KNL1: variants seen among roughly 807,000 people sequenced by gnomAD.
KNL1 encodes the protein outer kinetochore KNL1 complex subunit KNL1.
A neutral mutation model predicts 201.3 loss-of-function variants in KNL1; 66 were observed. The ratio of observed to expected loss-of-function variants is 0.33; its 90% confidence interval spans 0.27 to 0.40. KNL1 has a LOEUF of 0.40. Among genes scored for constraint, KNL1 ranks in the 10% least tolerant of loss-of-function variants. The pLI, the probability that KNL1 is intolerant of heterozygous loss-of-function variation, is 1.00. For synonymous variants in KNL1, 895 were observed against 899.2 expected, an observed-to-expected ratio of 1.00 and a Z score of 0.08; for missense variants, 2,815 against 2,690.5, an observed-to-expected ratio of 1.05 and a Z score of -1.02.
rs1893965693 is a variant in KNL1 at position 40,663,323 on chromosome 15, C to T, written c.*1135C>T. The stretch of plus-strand genomic sequence containing the variant: ...ATCCGCCTGCCTCGGCTTCAAAGTG[C>T]TGGGATTACAGGTGTGAGCCACCAC... On this transcript the variant is annotated 3_prime_UTR_variant, in exon 26 of 26. Transcript: ENST00000399668. 1 of 175,120 alleles carries T rather than the reference C, an allele frequency of 5.7e-6. No homozygotes were observed. Among genetic ancestry groups the T allele is most frequent in the African/African-American group, 2.4e-5 (1 of 42,264 alleles). The allele number at this position is 175,120 out of a possible 1,614,324, so 10.8% of individuals were successfully genotyped here.
In KNL1 at chr15:40,616,601, C is replaced by T. The variant is rs186001285; in HGVS notation, c.322+1223C>T. On this transcript the variant is annotated intron_variant, in intron 8 of 25. Coordinates refer to ENST00000399668, the MANE Select transcript of KNL1 (RefSeq NM_144508.5). ...TTTGTCTCCTAAATGTCTTGAAAAT[C>T]GTTACCTATTCTGTATTCCTTCTGT... Among the ~76,000 whole-genome samples, 12 of 152,272 alleles carry T rather than the reference C, an allele frequency of 7.9e-5. No homozygotes were observed. The East Asian group carries it at 1.7e-3, about 22-fold the overall frequency.
intron 8 of KNL1, among the ~76,000 whole-genome samples, chr15:40,618,432 A>G (rs1234854184): frequency 6.6e-6 from 1 of 152,144 alleles, no homozygotes; most frequent in Non-Finnish European, 1.5e-5. Flanking sequence ...AAGACCCTTC[A>G]GAATCCTACC....
intron 13 of KNL1, among the ~76,000 whole-genome samples, chr15:40,632,115 G>C (rs1296472735): frequency 6.6e-6 from 1 of 151,952 alleles, no homozygotes; most frequent in Non-Finnish European, 1.5e-5. Flanking sequence ...GCTGCGCACA[G>C]TGGCTGGTGT....
Position 40,624,354 on chromosome 15 carries a change from T to A in KNL1, c.4090T>A (p.Leu1364Met). The A allele has an allele frequency of 6.2e-7, 1 of 1,613,872 alleles. No homozygotes were observed. Among genetic ancestry groups the A allele is most frequent in the Non-Finnish European group, 8.5e-7 (1 of 1,179,796 alleles). Residue 1364 changes from leucine (L) to methionine (M), a missense_variant, in exon 10 of 26, where the codon TTG (leucine) becomes ATG (methionine). By Grantham distance (15) the Leu-to-Met change is conservative (BLOSUM62 2). This residue lies in a region of KNL1 where 2,464 missense variants were observed against 2,291.7 expected (regional missense o/e 1.08). Transcript: ENST00000399668. Reference protein sequence around the residue: ...EGQPLSAPCPLLEKEEVIQTS... With the variant: ...EGQPLSAPCPMLEKEEVIQTS... ...ACAGCCTCTCTCTGCTCCTTGTCCTTTGTTAGAGAAGGAAGAAGTTATTCA... is the reference window on the plus strand; with the variant it reads ...ACAGCCTCTCTCTGCTCCTTGTCCTATGTTAGAGAAGGAAGAAGTTATTCA...
chr15:40,617,298 T>C, intron 8 of KNL1, among the ~76,000 whole-genome samples: 1 of 152,214 alleles, frequency 6.6e-6, no homozygotes, highest in South Asian at 2.1e-4. Context: ...ATCTTTCTAC[T>C]CCAGTTTGCC....
intron 25 of KNL1, among the ~76,000 whole-genome samples, chr15:40,659,887 A>G (rs1239282035): frequency 5.5e-5 from 4 of 72,316 alleles, no homozygotes; most frequent in Admixed American, 4.8e-4. Flanking sequence ...TTCATTTTGA[A>G]GAATTTATGT....
At chr15:40,607,313 C>G (rs747537199) in intron 4 of KNL1, among the ~76,000 whole-genome samples, 1 of 152,202 alleles carries the variant, frequency 6.6e-6, no homozygotes, top group Non-Finnish European at 1.5e-5. Flanking sequence ...ACGAAAAGAT[C>G]AGTATTCTTT....
intron 13 of KNL1, 66 bp downstream of exon 13, chr15:40,629,437 A>T: frequency 1.0e-6 from 1 of 952,596 alleles, no homozygotes; most frequent in South Asian, 1.5e-5. Flanking sequence ...CACAAAAAGA[A>T]TGGAAGAGAG....
chr15:40,651,986 C>A lies in KNL1; in HGVS notation c.6315-19C>A. On this transcript the variant is annotated intron_variant, in intron 20 of 25. Coordinates refer to ENST00000399668, the MANE Select transcript of KNL1 (RefSeq NM_144508.5). ...AATTTTAAAAACGCTTTTTAAAAATCTTGTTTATCTCTCTACAGCTTGTCT... is the reference window on the plus strand; with the variant it reads ...AATTTTAAAAACGCTTTTTAAAAATATTGTTTATCTCTCTACAGCTTGTCT... 13 of 1,580,374 alleles carry A rather than the reference C, an allele frequency of 8.2e-6. No homozygotes were observed. Among genetic ancestry groups the A allele is most frequent in the Non-Finnish European group, 1.1e-5 (13 of 1,151,966 alleles).
At position 40,645,669 on chromosome 15, in the gene KNL1, G is replaced by C. The variant is rs1189993157; in HGVS notation, c.5903G>C (p.Gly1968Ala). The change falls in exon 16 of 26, where the codon GGA becomes GCA. Residue 1968 changes from glycine to alanine, a missense_variant. Coordinates refer to ENST00000399668, the MANE Select transcript of KNL1 (RefSeq NM_144508.5). Reference protein sequence around the residue: ...HCSDKELKAFGIYLNKIKSCF... With the variant: ...HCSDKELKAFAIYLNKIKSCF... ...TTTCCCTTCCAGCTGAAGGCCTTTG[G>C]AATTTATCTTAACAAAATAAAGTCA... 1 of 1,599,890 alleles carries C rather than the reference G, an allele frequency of 6.3e-7. No individual in the cohort carries two copies. Among genetic ancestry groups the C allele is most frequent in the African/African-American group, 1.3e-5 (1 of 74,312 alleles).
At position 40,662,067 on chromosome 15, in the gene KNL1, T is replaced by C. The variant is rs987110882; in HGVS notation, c.6837-7T>C. The C allele has an allele frequency of 1.3e-6, 2 of 1,525,112 alleles. No homozygotes were observed. Among genetic ancestry groups the C allele is most frequent in the Non-Finnish European group, 1.8e-6 (2 of 1,099,522 alleles). The allele number at this position is 1,525,112 out of a possible 1,614,324, so 94.5% of individuals were successfully genotyped here. On this transcript the variant is annotated splice_polypyrimidine_tract_variant and splice_region_variant and intron_variant, in intron 25 of 25. Coordinates refer to ENST00000399668, the MANE Select transcript of KNL1 (RefSeq NM_144508.5). The stretch of plus-strand genomic sequence containing the variant: ...AAAGAAAATTGATTAACCTTTGTTC[T>C]TTCCAGCCAAGATGATATTGCTACC...
In KNL1 at chr15:40,622,244, T is replaced by C. The variant is rs1892561421; in HGVS notation, c.1980T>C (p.Ala660=). The change falls in exon 10 of 26, where the codon GCT becomes GCC. Residue 660 remains alanine (A), a synonymous_variant. Transcript: ENST00000399668. ...TTGATAAAGATTCTCCTCAGTCAGC[T>C]GATTGTAATCAGGAGATAGCAACAA... The part of the protein sequence containing the change: ...PYLDKDSPQS[A]DCNQEIATSH... 6.2e-7 allele frequency: 1 copy of C among 1,614,098 alleles called. No homozygotes were observed. The highest frequency in any genetic ancestry group is 1.3e-5 in the African/African-American group (1 of 75,058).
chr15:40,647,322 A>T (rs549503396), intron 17 of KNL1, among the ~76,000 whole-genome samples: 1 of 152,190 alleles, frequency 6.6e-6, no homozygotes, highest in East Asian at 1.9e-4. Context: ...TAAAAATTTT[A>T]AAATTAGCTG....
rs781769209 is a variant in KNL1 at position 40,625,550 on chromosome 15, A to G, written c.5286A>G (p.Arg1762=). 25 of 1,607,936 alleles carry G rather than the reference A, an allele frequency of 1.6e-5. No homozygotes were observed. Among genetic ancestry groups the G allele is most frequent in the Non-Finnish European group, 2.0e-5 (23 of 1,178,546 alleles). Reference sequence around the variant, plus strand: ...GAAAAACTTGCAATAGCCAAAAAAGAACGTGGGTACAAGAAGAAGAAGATA... The same window carrying G: ...GAAAAACTTGCAATAGCCAAAAAAGGACGTGGGTACAAGAAGAAGAAGATA... ...KMGKTCNSQK[R]TWVQEEEDIH... The change falls in exon 10 of 26, where the codon AGA becomes AGG. Residue 1762 remains arginine, a synonymous_variant. Transcript: ENST00000399668.
chr15:40,613,975 T>C (rs943660633), intron 7 of KNL1, among the ~76,000 whole-genome samples: 3 of 151,534 alleles, frequency 2.0e-5, no homozygotes, highest in African/African-American at 7.3e-5. Flanking sequence ...TTTTTTTGTA[T>C]TTTTAGTAGA....
intron 4 of KNL1, among the ~76,000 whole-genome samples, chr15:40,607,816 A>T (rs1723486315): frequency 1.3e-5 from 2 of 152,172 alleles, no homozygotes; most frequent in Admixed American, 6.5e-5. Context: ...ATGAGGATGC[A>T]GAGAAATTGG....
At chr15:40,603,158 T>C (rs899968165) in intron 2 of KNL1, among the ~76,000 whole-genome samples, 192 bp downstream of exon 2, 4 of 152,170 alleles carry the variant, frequency 2.6e-5, no homozygotes, top group Admixed American at 2.6e-4. Flanking sequence ...GTTACATATG[T>C]ATACATGTGC....
intron 10 of KNL1, among the ~76,000 whole-genome samples, chr15:40,626,308 A>G (rs939087537): frequency 6.7e-6 from 1 of 149,830 alleles, no homozygotes; most frequent in African/African-American, 2.5e-5. Context: ...GCCTGGCACC[A>G]CACCCGGCTA....
intron 24 of KNL1, 122 bp downstream of exon 24, chr15:40,657,595 T>G (rs1313998416): frequency 6.5e-6 from 4 of 610,836 alleles, no homozygotes; most frequent in Non-Finnish European, 1.2e-5. Flanking sequence ...TTCTGAGGGC[T>G]GTTAGAATCT....
Sources: allele counts gnomAD v4.1 joint callset (sites outside exome capture counted in the v4.1 genomes callset), GRCh38; gene constraint gnomAD v4.1.1; regional missense constraint gnomAD v4.1.1; transcripts MANE v1.5; gene names NCBI Gene and HGNC (gene_info 2026-07-23, HGNC 2026-07-21).